The following CACNA1E variants were observed in gnomAD, a reference collection of about 807,000 sequenced individuals.
The protein encoded by CACNA1E is voltage-dependent R-type calcium channel subunit alpha-1E.
CACNA1E carries 40 observed loss-of-function variants against 259.2 expected under a neutral mutation model. The observed-to-expected ratio is 0.15, with a 90% CI of 0.12 to 0.20. The LOEUF (loss-of-function observed/expected upper bound fraction) is 0.20. CACNA1E is among the 10% of genes least tolerant of loss of function. CACNA1E has a pLI of 1.00. For missense variants in CACNA1E, 1,874 were observed against 3,040.1 expected, an observed-to-expected ratio of 0.62 and a Z score of 9.02; for synonymous variants, 1,104 against 1,138.5, an observed-to-expected ratio of 0.97 and a Z score of 0.61.
chr1:181,640,847 C>A (rs568205592), intron 6 of CACNA1E, among the ~76,000 whole-genome samples: 1 of 152,268 alleles, frequency 6.6e-6, no homozygotes, highest in Admixed American at 6.5e-5. Flanking sequence ...CGAGAATCTC[C>A]TGTTTGTGGA....
chr1:181,355,607 A>G (rs1375712222), intron 1 of CACNA1E, among the ~76,000 whole-genome samples: 1 of 151,774 alleles, frequency 6.6e-6, no homozygotes, highest in Non-Finnish European at 1.5e-5. Flanking sequence ...AAAACAAAAC[A>G]AAACAAAACA....
chr1:181,500,038 C>T (rs1009007430), intron 1 of CACNA1E, among the ~76,000 whole-genome samples: 3 of 152,180 alleles, frequency 2.0e-5, no homozygotes, highest in African/African-American at 7.2e-5. Context: ...TCCGACACAC[C>T]TCCAGCTGCA....
chr1:181,424,323 T>C (rs1196063207), intron 2 of CACNA1E, among the ~76,000 whole-genome samples: 1 of 152,210 alleles, frequency 6.6e-6, no homozygotes, highest in East Asian at 1.9e-4. Flanking sequence ...GATGATCCTT[T>C]GGGGAACTTC....
At chr1:181,600,427 C>T (rs1404943390) in intron 6 of CACNA1E, among the ~76,000 whole-genome samples, 2 of 152,222 alleles carry the variant, frequency 1.3e-5, no homozygotes, top group African/African-American at 4.8e-5. Flanking sequence ...GTATGGAGAA[C>T]TGGCCATGGC....
rs1419171903 is a variant in CACNA1E, at chr1:181,590,416, A to ATAT, written c.951+9640_951+9641insTAT. On this transcript the variant is annotated intron_variant, in intron 6 of 47. Transcript: ENST00000367573. Reference sequence around the variant, plus strand: ...GAGTCAATTACAAAAAAAAAAAAAAAATATATATATATATATATATTGTAT... The same window carrying ATAT: ...GAGTCAATTACAAAAAAAAAAAAAAATATATATATATATATATATATATTGTAT... 6.2e-3 allele frequency among the ~76,000 whole-genome samples: 715 copies of ATAT among 115,862 alleles called. 12 individuals are homozygous for ATAT. The highest frequency in any genetic ancestry group is 0.025 in the African/African-American group (672 of 26,974). The allele number at this position is 115,862 out of a possible 152,430, so 76.0% of individuals were successfully genotyped here.
chr1:181,375,441 GAT>G (rs956338081), intron 1 of CACNA1E, among the ~76,000 whole-genome samples: 6 of 152,190 alleles, frequency 3.9e-5, no homozygotes, highest in Non-Finnish European at 8.8e-5. Flanking sequence ...GGGGATATCT[GAT>G]AGAGTCTGCT....
chr1:181,587,733 A>T (rs1269341587), intron 6 of CACNA1E, among the ~76,000 whole-genome samples: 3 of 152,008 alleles, frequency 2.0e-5, no homozygotes, highest in Non-Finnish European at 4.4e-5. Flanking sequence ...AATATAAAAA[A>T]ATAGCCGGGC....
intron 6 of CACNA1E, among the ~76,000 whole-genome samples, chr1:181,644,274 G>T (rs1238502334): frequency 6.6e-6 from 1 of 152,144 alleles, no homozygotes; most frequent in Non-Finnish European, 1.5e-5. Context: ...ACCCATTTTG[G>T]TTCTAGATTG....
At chr1:181,329,884 C>G (rs911129208) in intron 1 of CACNA1E, among the ~76,000 whole-genome samples, 1 of 152,144 alleles carries the variant, frequency 6.6e-6, no homozygotes, top group Non-Finnish European at 1.5e-5. Flanking sequence ...GTCTCAGAGC[C>G]CAGCACAGTG....
intron 2 of CACNA1E, among the ~76,000 whole-genome samples, chr1:181,429,035 A>G (rs543036170): frequency 6.6e-6 from 1 of 152,222 alleles, no homozygotes; most frequent in Admixed American, 6.5e-5. Flanking sequence ...TATAAAAATT[A>G]GCTGGGCATG....
intron 6 of CACNA1E, among the ~76,000 whole-genome samples, chr1:181,634,927 T>TCCTC (rs1657072588): frequency 1.3e-5 from 2 of 152,186 alleles, no homozygotes; most frequent in African/African-American, 4.8e-5. Flanking sequence ...TCTCTCTCCT[T>TCCTC]TTCCTCATAA....
chr1:181,700,523 C>A (rs1180727209), intron 7 of CACNA1E, among the ~76,000 whole-genome samples: 3 of 152,192 alleles, frequency 2.0e-5, no homozygotes, highest in Non-Finnish European at 2.9e-5. Context: ...TCTGCCCTTG[C>A]AGAGCTTACA....
intron 7 of CACNA1E, among the ~76,000 whole-genome samples, chr1:181,690,780 T>TA (rs1179025477): frequency 3.3e-5 from 5 of 152,040 alleles, no homozygotes; most frequent in Non-Finnish European, 5.9e-5. Flanking sequence ...CTCTGTCTAT[T>TA]ATTGGTGTAT....
chr1:181,415,135 C>G (rs1658169860), intron 2 of CACNA1E, among the ~76,000 whole-genome samples: 1 of 152,162 alleles, frequency 6.6e-6, no homozygotes, highest in African/African-American at 2.4e-5. Context: ...TCTTATCTTT[C>G]TAAGAGGACC....
At chr1:181,689,966 A>G (rs140702724) in intron 7 of CACNA1E, among the ~76,000 whole-genome samples, 14 of 149,714 alleles carry the variant, frequency 9.4e-5, no homozygotes, top group South Asian at 2.1e-4. Flanking sequence ...CTGTGCAGGA[A>G]CTCTTTAGTT....
Position 181,478,058 on chromosome 1 carries a change from C to A in CACNA1E, c.435-5686C>A, listed in dbSNP as rs570113840. ...GGTCACATATTGTGAAGAATCCTGTCCTTATTATTAGGAGATCCAGCTCTG... is the reference window on the plus strand; with the variant it reads ...GGTCACATATTGTGAAGAATCCTGTACTTATTATTAGGAGATCCAGCTCTG... On this transcript the variant is annotated intron_variant, in intron 2 of 11. Coordinates refer to the CACNA1E transcript ENST00000524607. Among the ~76,000 whole-genome samples, 3 of 152,240 alleles carry A rather than the reference C, an allele frequency of 2.0e-5. No homozygotes were observed. In the South Asian group the frequency reaches 6.2e-4, roughly 32 times the overall value.
intron 7 of CACNA1E, among the ~76,000 whole-genome samples, chr1:181,700,241 G>T (rs995245906): frequency 1.3e-5 from 2 of 152,164 alleles, no homozygotes; most frequent in Admixed American, 6.5e-5. Context: ...GATCCACTGA[G>T]CCCCAAACCC....
intron 34 of CACNA1E, among the ~76,000 whole-genome samples, 190 bp downstream of exon 34, chr1:181,763,721 TTATGTC>T (rs1202099322): frequency 3.3e-5 from 5 of 152,224 alleles, no homozygotes; most frequent in Non-Finnish European, 7.3e-5. Flanking sequence ...TGGGATCAGC[TTATGTC>T]TACTGGATAG....
chr1:181,374,331 C>G lies in CACNA1E; in HGVS notation c.-14-38802C>G, dbSNP rs185926660. 7.5e-4 allele frequency among the ~76,000 whole-genome samples: 113 copies of G among 150,116 alleles called. 2 individuals carry two copies. Among genetic ancestry groups the G allele is most frequent in the African/African-American group, 2.7e-3 (111 of 40,928 alleles). Reference sequence around the variant, plus strand: ...ATGGTTTTGAGAGATGTCCTTAATACTGATTTCTATTTTTGTTGCACTGTT... The same window carrying G: ...ATGGTTTTGAGAGATGTCCTTAATAGTGATTTCTATTTTTGTTGCACTGTT... On this transcript the variant is annotated intron_variant, in intron 1 of 11. Transcript: ENST00000524607.
Sources: gnomAD v4.1 joint callset for allele counts (sites outside exome capture counted in the v4.1 genomes callset) on GRCh38, gnomAD v4.1.1 for gene constraint, MANE v1.5 for transcripts, NCBI Gene and HGNC (gene_info 2026-07-23, HGNC 2026-07-21) for gene names.